SS18: variants seen among roughly 807,000 people sequenced by gnomAD.
SS18 encodes the protein protein SSXT.
Under a neutral mutation model 72.5 loss-of-function variants are expected in SS18, and 28 were observed. That is an observed-to-expected ratio of 0.39 (90% CI 0.29 to 0.53). The LOEUF is 0.53. SS18 is among the 20% of genes least tolerant of loss of function. The probability of loss-of-function intolerance (pLI) is 0.76; values close to 1 mark genes in which losing one functional copy is unlikely to be tolerated. For synonymous variants in SS18, 172 were observed against 164.2 expected (o/e 1.05, Z -0.37); for missense variants, 518 against 535.3 (o/e 0.97, Z 0.32).
At chr18:26,064,438 T>C (rs190898879) in intron 3 of SS18, among the ~76,000 whole-genome samples, 128 of 152,252 alleles carry the variant, frequency 8.4e-4, no homozygotes, top group Non-Finnish European at 1.3e-3. Flanking sequence ...TTATAACCAA[T>C]GAAATTTATT....
Position 26,056,426 on chromosome 18 carries a change from C to G in SS18, c.385+1163G>C, listed in dbSNP as rs140010130. Among the ~76,000 whole-genome samples the G allele has an allele frequency of 2.2e-4, 34 of 152,298 alleles. No individual in the cohort carries two copies. The East Asian group carries it at 6.4e-3, about 28-fold the overall frequency. On this transcript the variant is annotated intron_variant, in intron 4 of 10. Transcript: ENST00000415083. ...TACAATATGACTACAAACTGAAAAG[C>G]AGTGATGTCTTTATTCCTACCTCCA...
intron 3 of SS18, among the ~76,000 whole-genome samples, chr18:26,075,917 G>T (rs1043623707): frequency 6.6e-6 from 1 of 151,812 alleles, no homozygotes; most frequent in African/African-American, 2.4e-5. Context: ...AACAGCAAAT[G>T]CAGCTAGAAA....
chr18:26,041,718 A>G (rs660624), intron 5 of SS18, among the ~76,000 whole-genome samples: 1 of 152,026 alleles, frequency 6.6e-6, no homozygotes, highest in Admixed American at 6.6e-5. Context: ...TATTAGAAAC[A>G]AAAAGAAAGC....
chr18:26,028,849 G>A (rs949697125), intron 10 of SS18, among the ~76,000 whole-genome samples: 1 of 152,166 alleles, frequency 6.6e-6, no homozygotes, highest in Non-Finnish European at 1.5e-5. Context: ...TTTCACAGGT[G>A]TGTATATACG....
At chr18:26,040,330 A>T (rs2053701981) in intron 5 of SS18, among the ~76,000 whole-genome samples, 1 of 152,212 alleles carries the variant, frequency 6.6e-6, no homozygotes, top group Non-Finnish European at 1.5e-5. Flanking sequence ...AATGTTAAGC[A>T]GCTCCTGAGA....
intron 5 of SS18, among the ~76,000 whole-genome samples, chr18:26,043,053 A>G (rs1422698554): frequency 6.6e-6 from 1 of 152,138 alleles, no homozygotes; most frequent in African/African-American, 2.4e-5. Flanking sequence ...CACTAAGCTA[A>G]TAGCTTTACC....
In SS18 at chr18:26,039,338, A is replaced by T. The variant is rs1189547179; in HGVS notation, c.726T>A (p.Asn242Lys). ...MGMMGQVNQGNHMMGQRQIPP... is the reference protein window; with the variant it reads ...MGMMGQVNQGKHMMGQRQIPP... ...GAATCTGTCTCTGACCCATCATATG[A>T]TTGCCTTGGTTAACTTGACCCATCA... Residue 242 changes from asparagine (N) to lysine (K), a missense_variant, in exon 6 of 11, where the codon AAT (asparagine) becomes AAA (lysine). By Grantham distance (94) the Asn-to-Lys change is moderately conservative. Transcript: ENST00000415083. 9 of 1,613,912 alleles carry T rather than the reference A, an allele frequency of 5.6e-6. No homozygotes were observed. Among genetic ancestry groups the T allele is most frequent in the Non-Finnish European group, 6.8e-6 (8 of 1,179,884 alleles).
At chr18:26,034,977 G>A (rs1178939132) in intron 9 of SS18, 28 bp downstream of exon 9, 12 of 1,586,032 alleles carry the variant, frequency 7.6e-6, no homozygotes, top group East Asian at 2.2e-5. Flanking sequence ...TTTTTTTGGT[G>A]ATAAAAATAC....
At chr18:26,049,768 A>G (rs1393495399) in intron 5 of SS18, among the ~76,000 whole-genome samples, 1 of 152,166 alleles carries the variant, frequency 6.6e-6, no homozygotes, top group Non-Finnish European at 1.5e-5. Flanking sequence ...CTCCCATTTC[A>G]GCCTCCCAAA....
At chr18:26,055,811 G>A (rs1351175492) in intron 4 of SS18, among the ~76,000 whole-genome samples, 3 of 146,912 alleles carry the variant, frequency 2.0e-5, no homozygotes, top group East Asian at 2.0e-4. Flanking sequence ...AGGCTGGGGT[G>A]CAGTGGCGTG....
chr18:26,048,681 A>C (rs2053871896), intron 5 of SS18, among the ~76,000 whole-genome samples: 2 of 152,224 alleles, frequency 1.3e-5, no homozygotes, highest in Non-Finnish European at 2.9e-5. Flanking sequence ...TTCTACTTTC[A>C]TGTCAAGCCT....
intron 1 of SS18, among the ~76,000 whole-genome samples, chr18:26,088,862 C>A (rs2054663692): frequency 6.6e-6 from 1 of 151,236 alleles, no homozygotes; most frequent in African/African-American, 2.5e-5. Flanking sequence ...GCACGTGAAT[C>A]ATAATCTTCA....
chr18:26,049,459 C>T (rs2053884405), intron 5 of SS18, among the ~76,000 whole-genome samples: 1 of 152,166 alleles, frequency 6.6e-6, no homozygotes, highest in African/African-American at 2.4e-5. Context: ...AGTTTATGCT[C>T]TATATGCAAA....
At chr18:26,072,204 T>TA (rs1161063874) in intron 3 of SS18, among the ~76,000 whole-genome samples, 1 of 152,096 alleles carries the variant, frequency 6.6e-6, no homozygotes, top group East Asian at 1.9e-4. Context: ...ATGTATATTA[T>TA]AATCTATACA....
At chr18:26,078,006 C>A in intron 3 of SS18, 70 bp downstream of exon 3, 1 of 1,139,136 alleles carries the variant, frequency 8.8e-7, no homozygotes, top group South Asian at 1.4e-5. Context: ...AAAAATCATT[C>A]AACAAAAATG....
chr18:26,042,551 C>T (rs923992571), intron 5 of SS18, among the ~76,000 whole-genome samples: 8 of 151,706 alleles, frequency 5.3e-5, no homozygotes, highest in Admixed American at 3.3e-4. Context: ...CATGTAAAAA[C>T]CTCCCAAATT....
At chr18:26,029,284 A>AT (rs1311469443) in intron 10 of SS18, among the ~76,000 whole-genome samples, 1 of 152,224 alleles carries the variant, frequency 6.6e-6, no homozygotes, top group Non-Finnish European at 1.5e-5. Context: ...GTAGGCCAGT[A>AT]TATCATATGG....
At chr18:26,055,771 T>G (rs55960391) in intron 4 of SS18, among the ~76,000 whole-genome samples, 8,280 of 149,622 alleles carry the variant, frequency 0.055, 232 homozygotes, top group East Asian at 0.12. Context: ...TTTTTGTTTT[T>G]TTTTTTTGAT....
chr18:26,020,975 T>C (rs1328033042), intron 10 of SS18, among the ~76,000 whole-genome samples: 1 of 152,180 alleles, frequency 6.6e-6, no homozygotes, highest in African/African-American at 2.4e-5. Flanking sequence ...TTGTGTCACA[T>C]ATTGTATTAA....
Sources: gnomAD v4.1 joint callset for allele counts (sites outside exome capture counted in the v4.1 genomes callset) on GRCh38, gnomAD v4.1.1 for gene constraint, MANE v1.5 for transcripts, NCBI Gene and HGNC (gene_info 2026-07-23, HGNC 2026-07-21) for gene names.